Variants in VAV3 observed in about 807,000 individuals in gnomAD.
The protein encoded by VAV3 is vav guanine nucleotide exchange factor 3.
VAV3 carries 94 observed loss-of-function variants against 131.2 expected under a neutral mutation model. That is an observed-to-expected ratio of 0.72 (90% CI 0.61 to 0.85). The LOEUF is 0.85. Ranked by LOEUF, VAV3 falls within the 40% of genes least tolerant of loss-of-function variation. VAV3 has a pLI of 0.00. For missense variants in VAV3, 939 were observed against 1,002.7 expected (o/e 0.94, Z 0.86); for synonymous variants, 349 against 342.0 (o/e 1.02, Z -0.22).
rs571989093 is a variant in VAV3, at chr1:107,658,218, G to A, written c.1778-15463C>T. On this transcript the variant is annotated intron_variant, in intron 19 of 26. Transcript: ENST00000370056. ...GCGGTGTTTGGTTTTTTGTTCTTGC[G>A]ATAATTTGCTGAGAATGATGGTCTC... Among the ~76,000 whole-genome samples the A allele has an allele frequency of 9.6e-4, 146 of 152,242 alleles. 1 individual carries two copies. The South Asian group carries it at 0.026, about 27-fold the overall frequency.
At position 107,914,578 on chromosome 1, in the gene VAV3, C is replaced by T. The variant is rs12066919; in HGVS notation, c.205-39561G>A. On this transcript the variant is annotated intron_variant, in intron 1 of 26. Coordinates refer to ENST00000370056, the MANE Select transcript of VAV3 (RefSeq NM_006113.5). ...GTAACCTGTCTTGCACAAATACAAACGGGAAGTATCTCTGTTCTTATAAAA... is the reference window on the plus strand; with the variant it reads ...GTAACCTGTCTTGCACAAATACAAATGGGAAGTATCTCTGTTCTTATAAAA... Among the ~76,000 whole-genome samples the T allele has an allele frequency of 4.3e-3, 661 of 152,320 alleles. 2 individuals are homozygous for T. The highest frequency in any genetic ancestry group is 0.012 in the African/African-American group (494 of 41,572).
In VAV3 at chr1:107,603,167, T is replaced by C. The variant is rs1557695978; in HGVS notation, c.2016-4A>G. On this transcript the variant is annotated splice_polypyrimidine_tract_variant and splice_region_variant and intron_variant, in intron 22 of 26. Transcript: ENST00000370056. ...TCTTTCCATTGCTCCAGCATACCTG[T>C]AAAAAACAATGACACAGAAAATTTG... The C allele has an allele frequency of 1.2e-6, 2 of 1,609,466 alleles. No individual in the cohort carries two copies. The highest frequency in any genetic ancestry group is 4.5e-5 in the East Asian group (2 of 44,770).
chr1:107,600,307 TA>T (rs764687712), intron 24 of VAV3, among the ~76,000 whole-genome samples: 3 of 151,912 alleles, frequency 2.0e-5, no homozygotes, highest in Non-Finnish European at 4.4e-5. Flanking sequence ...CTAAACTTGA[TA>T]AAAGCACTTT....
intron 15 of VAV3, among the ~76,000 whole-genome samples, chr1:107,740,009 G>A (rs151337534): frequency 6.6e-6 from 1 of 152,328 alleles, no homozygotes; most frequent in African/African-American, 2.4e-5. Context: ...CTTCTTGGCT[G>A]GGCATGGTGG....
At chr1:107,843,379 T>TG in intron 2 of VAV3, among the ~76,000 whole-genome samples, 1 of 147,558 alleles carries the variant, frequency 6.8e-6, no homozygotes, top group East Asian at 2.0e-4. Flanking sequence ...TATATATATA[T>TG]ATATATATAT....
At chr1:107,717,768 G>A (rs1661206049) in intron 15 of VAV3, among the ~76,000 whole-genome samples, 1 of 152,170 alleles carries the variant, frequency 6.6e-6, no homozygotes. Flanking sequence ...TTAGTGCATT[G>A]CTGAGTTCAA....
intron 25 of VAV3, among the ~76,000 whole-genome samples, chr1:107,591,989 T>C (rs1371334387): frequency 6.6e-6 from 1 of 152,054 alleles, no homozygotes; most frequent in Non-Finnish European, 1.5e-5. Flanking sequence ...TATAGCAACA[T>C]ATATACACAC....
At chr1:107,847,587 T>C (rs866731196) in intron 2 of VAV3, among the ~76,000 whole-genome samples, 7 of 152,128 alleles carry the variant, frequency 4.6e-5, no homozygotes, top group Non-Finnish European at 7.4e-5. Flanking sequence ...ATAAAGGGGA[T>C]ATCACCACTG....
At chr1:107,625,254 C>CTTTTTTTTTTTTTTT (rs11331254) in intron 20 of VAV3, among the ~76,000 whole-genome samples, 1 of 124,356 alleles carries the variant, frequency 8.0e-6, no homozygotes, top group Non-Finnish European at 1.8e-5. Context: ...GTAATTTAAT[C>CTTTTTTTTTTTTTTT]TTTTTTTTTT....
intron 1 of VAV3, among the ~76,000 whole-genome samples, chr1:107,935,977 A>G (rs905449559): frequency 2.0e-5 from 3 of 152,186 alleles, no homozygotes; most frequent in South Asian, 2.1e-4. Context: ...TTTGCTTTTC[A>G]GTGTGTGAGA....
At chr1:107,602,311 T>C (rs1030161547) in intron 24 of VAV3, 86 bp downstream of exon 24, 1 of 1,005,812 alleles carries the variant, frequency 9.9e-7, no homozygotes, top group Non-Finnish European at 1.4e-6. Context: ...GTGAGCAAAA[T>C]TTCCAAGAAA....
intron 20 of VAV3, among the ~76,000 whole-genome samples, chr1:107,635,810 T>C (rs1479991087): frequency 6.6e-6 from 1 of 152,122 alleles, no homozygotes; most frequent in Non-Finnish European, 1.5e-5. Context: ...GTAAAAGAAG[T>C]GCTAGAGCGT....
intron 2 of VAV3, among the ~76,000 whole-genome samples, chr1:107,819,724 T>C (rs1667714749): frequency 6.6e-6 from 1 of 152,128 alleles, no homozygotes; most frequent in Non-Finnish European, 1.5e-5. Context: ...CCAAATACTC[T>C]TCCTTCAAAC....
At chr1:107,712,250 T>C (rs1186876645) in intron 15 of VAV3, among the ~76,000 whole-genome samples, 1 of 152,222 alleles carries the variant, frequency 6.6e-6, no homozygotes, top group Non-Finnish European at 1.5e-5. Context: ...TGAATTAGTG[T>C]AGAGCAAGCT....
At chr1:107,899,630 T>G (rs1274028586) in intron 1 of VAV3, among the ~76,000 whole-genome samples, 1 of 152,194 alleles carries the variant, frequency 6.6e-6, no homozygotes, top group Non-Finnish European at 1.5e-5. Flanking sequence ...GGCAGAATGA[T>G]GTATCAAGGC....
intron 19 of VAV3, among the ~76,000 whole-genome samples, chr1:107,666,426 G>A (rs1453426121): frequency 6.6e-6 from 1 of 152,136 alleles, no homozygotes; most frequent in Non-Finnish European, 1.5e-5. Flanking sequence ...GGGCTTTCAG[G>A]ACTGTGATGG....
chr1:107,727,487 A>G (rs1217845716), intron 15 of VAV3, among the ~76,000 whole-genome samples: 2 of 152,174 alleles, frequency 1.3e-5, no homozygotes, highest in African/African-American at 2.4e-5. Context: ...ACCTCCAAAC[A>G]CCTTTATGAA....
rs1445958006 is a variant in VAV3, at chr1:107,916,792, T to TG, written c.205-41776_205-41775insC. Among the ~76,000 whole-genome samples, 187 of 152,152 alleles carry TG rather than the reference T, an allele frequency of 1.2e-3. 1 individual carries two copies. Among genetic ancestry groups the TG allele is most frequent in the Middle Eastern group, 3.4e-3 (1 of 294 alleles). ...CAAGGCAGTGAGTGAATGAATGAATTAATACGATTCATGGATTAAGTAGGA... is the reference window on the plus strand; with the variant it reads ...CAAGGCAGTGAGTGAATGAATGAATTGAATACGATTCATGGATTAAGTAGGA... On this transcript the variant is annotated intron_variant, in intron 1 of 26. Transcript: ENST00000370056.
rs74439054 is a variant in VAV3 at position 107,857,548 on chromosome 1, T to C, written c.321+17353A>G. ...GTACAGGTTTAGGAACAATGGAGGA[T>C]ATGAAACATGGAAAAAAATTCCATT... On this transcript the variant is annotated intron_variant, in intron 2 of 26. Transcript: ENST00000370056. 2.0e-5 allele frequency among the ~76,000 whole-genome samples: 3 copies of C among 152,338 alleles called. No individual in the cohort carries two copies. In the East Asian group the frequency reaches 5.8e-4, roughly 29 times the overall value.
Sources: allele counts gnomAD v4.1 joint callset (sites outside exome capture counted in the v4.1 genomes callset), GRCh38; gene constraint gnomAD v4.1.1; transcripts MANE v1.5; gene names NCBI Gene and HGNC (gene_info 2026-07-23, HGNC 2026-07-21).